The following SUGP1 variants were observed in gnomAD, a reference collection of about 807,000 sequenced individuals.
The protein encoded by SUGP1 is SURP and G-patch domain-containing protein 1.
SUGP1 carries 34 observed loss-of-function variants against 76.5 expected under a neutral mutation model. That is an observed-to-expected ratio of 0.44 (90% CI 0.34 to 0.59). The LOEUF (loss-of-function observed/expected upper bound fraction) is 0.59, where lower values mean the gene tolerates loss of function less well. SUGP1 is among the 20% of genes least tolerant of loss of function. The pLI is 0.01. For synonymous variants in SUGP1, 326 were observed against 326.2 expected (o/e 1.00, Z 0.01); for missense variants, 752 against 851.7 (o/e 0.88, Z 1.46).
rs1182846518 is a variant in SUGP1 at position 19,302,286 on chromosome 19, T to C, written c.866A>G (p.Asn289Ser). 6.2e-7 allele frequency: 1 copy of C among 1,614,142 alleles called. No individual in the cohort carries two copies. Among genetic ancestry groups the C allele is most frequent in the Non-Finnish European group, 8.5e-7 (1 of 1,180,016 alleles). ...PEVETIALQN[N>S]RENQAFSFLY... ...TTACCTGAATGCCTGGTTCTCACGGTTGTTCTGGAGGGCAATGGTTTCCAC... is the reference window on the plus strand; with the variant it reads ...TTACCTGAATGCCTGGTTCTCACGGCTGTTCTGGAGGGCAATGGTTTCCAC... Residue 289 changes from asparagine (N) to serine (S), a missense_variant, in exon 7 of 14, where the codon AAC becomes AGC. By Grantham distance (46) the Asn-to-Ser change is conservative. Transcript: ENST00000247001.
intron 8 of SUGP1, among the ~76,000 whole-genome samples, chr19:19,287,472 G>A (rs2061150229): frequency 6.6e-6 from 1 of 152,224 alleles, no homozygotes; most frequent in African/African-American, 2.4e-5. Flanking sequence ...TGAGGCATGA[G>A]AATCGTTTGA....
chr19:19,298,550 A>T (rs1165138660), intron 7 of SUGP1, among the ~76,000 whole-genome samples: 1 of 152,168 alleles, frequency 6.6e-6, no homozygotes, highest in Non-Finnish European at 1.5e-5. Context: ...GACAGTTTCT[A>T]GGTGAGCCTG....
chr19:19,276,611 C>A lies in SUGP1; in HGVS notation c.*37G>T. ...GCCGGAACATTCCACAGTCCAGGGA[C>A]GGTTGGTCATTCAGAAAGTATGTAT... On this transcript the variant is annotated 3_prime_UTR_variant, in exon 14 of 14. Transcript: ENST00000247001. 6.2e-7 allele frequency: 1 copy of A among 1,613,484 alleles called. No homozygotes were observed. The highest frequency in any genetic ancestry group is 8.5e-7 in the Non-Finnish European group (1 of 1,179,538).
At chr19:19,302,480 T>G in intron 6 of SUGP1, 92 bp from the exon 7 acceptor site, 1 of 1,526,402 alleles carries the variant, frequency 6.6e-7, no homozygotes, top group African/African-American at 1.4e-5. Context: ...TGGGGTTTGT[T>G]TTAGGAATGA....
At chr19:19,277,180 G>C in intron 12 of SUGP1, 104 bp from the exon 13 acceptor site, 1 of 1,402,928 alleles carries the variant, frequency 7.1e-7, no homozygotes. Flanking sequence ...GTGCAGGGCT[G>C]GGCTGGGACA....
At chr19:19,278,929 G>T in intron 10 of SUGP1, 133 bp from the exon 11 acceptor site, 1 of 919,968 alleles carries the variant, frequency 1.1e-6, no homozygotes, top group South Asian at 1.5e-5. Flanking sequence ...GCTAGGCCAT[G>T]ACCCCAGCCC....
intron 2 of SUGP1, among the ~76,000 whole-genome samples, chr19:19,311,683 C>T (rs1298799383): frequency 5.7e-5 from 8 of 141,464 alleles, no homozygotes; most frequent in East Asian, 2.1e-4. Context: ...GCCAAGATTG[C>T]GCCACTGCAC....
At chr19:19,314,304 C>G (rs1262762022) in intron 2 of SUGP1, among the ~76,000 whole-genome samples, 2 of 151,666 alleles carry the variant, frequency 1.3e-5, no homozygotes, top group Admixed American at 6.6e-5. Context: ...GCCTGTGTGA[C>G]AGAGCAAGAC....
chr19:19,305,746 G>A, intron 4 of SUGP1, 103 bp downstream of exon 4: 8 of 1,234,466 alleles, frequency 6.5e-6, no homozygotes, highest in Middle Eastern at 2.1e-4. Flanking sequence ...CAACTCAGCC[G>A]AAAGCACCCA....
rs1388413071 is a variant in SUGP1, at chr19:19,316,150, ACT to A, written c.206+270_206+271del. On this transcript the variant is annotated intron_variant, in intron 2 of 13. Coordinates refer to ENST00000247001, the MANE Select transcript of SUGP1 (RefSeq NM_172231.4). The stretch of plus-strand genomic sequence containing the variant: ...ACCTGAACTCAAGGCAGAGATTTTT[ACT>A]CTGTTATACCCCTTCCCTCTGCACC... 1.1e-5 allele frequency: 4 copies of A among 378,182 alleles called. No individual in the cohort carries two copies. In the East Asian group the frequency reaches 2.0e-4, roughly 19 times the overall value. The allele number at this position is 378,182 out of a possible 1,614,324, so 23.4% of individuals were successfully genotyped here. A position where few individuals can be genotyped will look rare whatever the true frequency, so the allele number is the denominator to read the frequency against.
At chr19:19,288,663 G>A (rs2061159514) in intron 8 of SUGP1, among the ~76,000 whole-genome samples, 1 of 152,132 alleles carries the variant, frequency 6.6e-6, no homozygotes, top group Non-Finnish European at 1.5e-5. Context: ...GCCTAAGGTG[G>A]AAGGATAGCT....
At chr19:19,311,392 T>G (rs1396990533) in intron 2 of SUGP1, among the ~76,000 whole-genome samples, 3 of 151,128 alleles carry the variant, frequency 2.0e-5, no homozygotes, top group African/African-American at 7.3e-5. Flanking sequence ...AAATGCCCTG[T>G]GATTCTTCCA....
rs755208405 is a variant in SUGP1, at chr19:19,306,027, G to A, written c.360C>T (p.Ser120=). 6.1e-5 allele frequency: 99 copies of A among 1,611,040 alleles called. No homozygotes were observed. Among genetic ancestry groups the A allele is most frequent in the Non-Finnish European group, 8.1e-5 (96 of 1,179,200 alleles). ...PSAPPSTPTP[S]AGKRSLLISR... is the part of the protein sequence containing the mutation. ...TGATGAGCAGGGACCTCTTCCCAGC[G>A]CTGGGGGTGGGTGTGCTGGGAGGGG... Residue 120 remains serine (S), a synonymous_variant, in exon 4 of 14, where the codon AGC becomes AGT. Coordinates refer to ENST00000247001, the MANE Select transcript of SUGP1 (RefSeq NM_172231.4).
In SUGP1 at chr19:19,297,075, C is replaced by G; in HGVS notation, c.1157G>C (p.Arg386Pro). Residue 386 changes from arginine (R) to proline (P), a missense_variant, in exon 8 of 14, where the codon CGG becomes CCG. This residue lies in a region of SUGP1 where 620 missense variants were observed against 617.3 expected (regional missense o/e 1.00). Transcript: ENST00000247001. ...AATVKRKRKSRWGPEEDKVEL... is the reference protein window; with the variant it reads ...AATVKRKRKSPWGPEEDKVEL... ...TACCTTATCCTCTTCAGGCCCCCACCGGCTCTTCCGCTTCCTCTTCACGGT... is the reference window on the plus strand; with the variant it reads ...TACCTTATCCTCTTCAGGCCCCCACGGGCTCTTCCGCTTCCTCTTCACGGT... 1 of 1,613,582 alleles carries G rather than the reference C, an allele frequency of 6.2e-7. No individual in the cohort carries two copies. The highest frequency in any genetic ancestry group is 8.5e-7 in the Non-Finnish European group (1 of 1,179,968).
chr19:19,302,327 C>A lies in SUGP1; in HGVS notation c.825G>T (p.Ala275=). ...NLAEKLARFI[A]DGGPEVETIA... ...TGGTTTCCACCTCGGGACCCCCGTC[C>A]GCTATGAACCTGGCCAACTTTTCTG... Residue 275 remains alanine (A), a synonymous_variant, in exon 7 of 14, where the codon GCG becomes GCT. Coordinates refer to ENST00000247001, the MANE Select transcript of SUGP1 (RefSeq NM_172231.4). The A allele has an allele frequency of 1.2e-6, 2 of 1,614,196 alleles. No homozygotes were observed. The highest frequency in any genetic ancestry group is 1.7e-6 in the Non-Finnish European group (2 of 1,180,022).
intron 12 of SUGP1, 68 bp downstream of exon 12, chr19:19,277,666 T>G: frequency 6.3e-7 from 1 of 1,575,536 alleles, no homozygotes; most frequent in South Asian, 1.1e-5. Context: ...GGGGTGGGAA[T>G]GGGGAGGCGG....
intron 1 of SUGP1, among the ~76,000 whole-genome samples, chr19:19,317,726 C>T (rs2061404958): frequency 6.6e-6 from 1 of 151,816 alleles, no homozygotes; most frequent in Admixed American, 6.6e-5. Flanking sequence ...GCTATAGTGC[C>T]CAGGCTGGTC....
chr19:19,302,236 G>A (rs368683962), intron 7 of SUGP1, 29 bp downstream of exon 7: 19 of 1,612,780 alleles, frequency 1.2e-5, no homozygotes, highest in East Asian at 4.5e-5. Flanking sequence ...CCAGGGTGAC[G>A]GTCACCTCCC....
rs1416001982 is a variant in SUGP1, at chr19:19,280,178, G to A, written c.1350+7C>T. The stretch of plus-strand genomic sequence containing the variant: ...ATGTCCCCGTCCCCTTGTCCCCGCA[G>A]TCTTACCTCCTGCTGCTCCTTCAGC... On this transcript the variant is annotated splice_region_variant and intron_variant, in intron 9 of 13. Transcript: ENST00000247001. 3 of 1,613,378 alleles carry A rather than the reference G, an allele frequency of 1.9e-6. No homozygotes were observed. The African/African-American group carries it at 4.0e-5, about 22-fold the overall frequency.
Sources: gnomAD v4.1 joint callset for allele counts (sites outside exome capture counted in the v4.1 genomes callset) on GRCh38, gnomAD v4.1.1 for gene constraint, gnomAD v4.1.1 regional missense constraint, MANE v1.5 for transcripts, NCBI Gene and HGNC (gene_info 2026-07-23, HGNC 2026-07-21) for gene names.